The following BRINP3 variants were observed in gnomAD, a reference collection of about 807,000 sequenced individuals.
BRINP3 encodes BMP/retinoic acid-inducible neural-specific protein 3.
A neutral mutation model predicts 71.0 loss-of-function variants in BRINP3; 19 were observed. That is an observed-to-expected ratio of 0.27 (90% CI 0.19 to 0.39). BRINP3 has a LOEUF of 0.39. Among genes scored for constraint, BRINP3 ranks in the 10% least tolerant of loss-of-function variants. The probability of loss-of-function intolerance (pLI) is 1.00; values close to 1 mark genes in which losing one functional copy is unlikely to be tolerated. For synonymous variants in BRINP3, 380 were observed against 337.7 expected (o/e 1.13, Z -1.37); for missense variants, 959 against 940.8 (o/e 1.02, Z -0.25).
intron 3 of BRINP3, among the ~76,000 whole-genome samples, chr1:190,271,443 T>G (rs1475270513): frequency 3.3e-5 from 5 of 151,610 alleles, no homozygotes; most frequent in Non-Finnish European, 7.4e-5. Flanking sequence ...ATCACTGGAA[T>G]CTAGTAATAA....
intron 2 of BRINP3, among the ~76,000 whole-genome samples, chr1:190,400,737 T>A (rs1200976381): frequency 6.6e-6 from 1 of 152,140 alleles, no homozygotes; most frequent in Non-Finnish European, 1.5e-5. Flanking sequence ...CCCTAAAACA[T>A]TTAGAAAATG....
intron 7 of BRINP3, among the ~76,000 whole-genome samples, chr1:190,156,598 G>C (rs1408349407): frequency 6.6e-6 from 1 of 151,562 alleles, no homozygotes; most frequent in East Asian, 1.9e-4. Flanking sequence ...TGTTACATTG[G>C]CAGTAAAAGA....
chr1:190,265,009 T>G lies in BRINP3; in HGVS notation c.474A>C (p.Lys158Asn), dbSNP rs1352596036. ...TGGTGGAATCACTTCCTTCAGCTCG[T>G]TTGCTCAACTTCCGCTTGTCCACAA... ...TIFVDKRKLS[K>N]RAEGSDSTTN... Residue 158 changes from lysine (K) to asparagine (N), a missense_variant, in exon 4 of 8, where the codon AAA (lysine) becomes AAC (asparagine). Coordinates refer to ENST00000367462, the MANE Select transcript of BRINP3 (RefSeq NM_199051.3). 1 of 1,610,724 alleles carries G rather than the reference T, an allele frequency of 6.2e-7. No individual in the cohort carries two copies. Among genetic ancestry groups the G allele is most frequent in the Non-Finnish European group, 8.5e-7 (1 of 1,178,696 alleles).
intron 6 of BRINP3, among the ~76,000 whole-genome samples, chr1:190,165,431 G>C (rs1365385690): frequency 2.1e-5 from 2 of 96,368 alleles, no homozygotes; most frequent in Non-Finnish European, 4.0e-5. Context: ...AGTATGCTCT[G>C]TTTCATTGGC....
chr1:190,180,046 T>G (rs1652891287), intron 6 of BRINP3, among the ~76,000 whole-genome samples: 1 of 152,154 alleles, frequency 6.6e-6, no homozygotes, highest in South Asian at 2.1e-4. Flanking sequence ...ACTGCTGTGG[T>G]GTCATAAGAA....
At chr1:190,135,109 A>G (rs972838302) in intron 7 of BRINP3, among the ~76,000 whole-genome samples, 1 of 152,138 alleles carries the variant, frequency 6.6e-6, no homozygotes, top group Non-Finnish European at 1.5e-5. Flanking sequence ...CAAGAAACCT[A>G]GATGAATTCT....
At chr1:190,207,487 AT>A (rs1248193180) in intron 6 of BRINP3, among the ~76,000 whole-genome samples, 1 of 152,020 alleles carries the variant, frequency 6.6e-6, no homozygotes, top group Non-Finnish European at 1.5e-5. Context: ...CAGCAGGGTT[AT>A]TTTTTCTTTA....
intron 6 of BRINP3, among the ~76,000 whole-genome samples, chr1:190,208,955 A>G (rs1196505279): frequency 6.6e-6 from 1 of 152,152 alleles, no homozygotes; most frequent in Non-Finnish European, 1.5e-5. Context: ...TTAAAGTATA[A>G]ATGGGGTAAT....
chr1:190,461,877 TG>T (rs958808910), intron 1 of BRINP3, among the ~76,000 whole-genome samples: 3 of 152,114 alleles, frequency 2.0e-5, no homozygotes, highest in African/African-American at 7.2e-5. Context: ...AAACATATAT[TG>T]ACAAGCTCAA....
intron 3 of BRINP3, among the ~76,000 whole-genome samples, chr1:190,273,485 A>C (rs1338274891): frequency 6.6e-6 from 1 of 151,610 alleles, no homozygotes. Context: ...TGTCTTGTGC[A>C]ACTAAAATTT....
Position 190,264,911 on chromosome 1 carries a change from G to A in BRINP3, c.572C>T (p.Thr191Ile). Residue 191 changes from threonine to isoleucine, a missense_variant, in exon 4 of 8, where the codon ACC becomes ATC. Coordinates refer to ENST00000367462, the MANE Select transcript of BRINP3 (RefSeq NM_199051.3). ...TTGAATGTGGTGAAGTCTCCGAAGG[G>A]TGCTGTCCCTGTCAATGAAATAAGA... ...AASYFIDRDSTLRRLHHIQIA... is the reference protein window; with the variant it reads ...AASYFIDRDSILRRLHHIQIA... 1 of 1,613,866 alleles carries A rather than the reference G, an allele frequency of 6.2e-7. No individual in the cohort carries two copies. The highest frequency in any genetic ancestry group is 1.1e-5 in the South Asian group (1 of 91,078).
chr1:190,121,400 A>T (rs10920571), intron 7 of BRINP3, among the ~76,000 whole-genome samples: 8,019 of 152,276 alleles, frequency 0.053, 710 homozygotes, highest in African/African-American at 0.18. Flanking sequence ...ATTAAGAAAA[A>T]CAGCACACAT....
chr1:190,170,423 A>T (rs1191569863), intron 6 of BRINP3, among the ~76,000 whole-genome samples: 5 of 152,162 alleles, frequency 3.3e-5, no homozygotes, highest in Admixed American at 3.3e-4. Context: ...TGTCGTAACC[A>T]ATTAACAAGT....
At chr1:190,420,726 A>T (rs1673320756) in intron 2 of BRINP3, among the ~76,000 whole-genome samples, 1 of 151,974 alleles carries the variant, frequency 6.6e-6, no homozygotes, top group Non-Finnish European at 1.5e-5. Context: ...AAAATCTTAT[A>T]CTTGAAAATT....
chr1:190,193,785 A>C (rs1654248615), intron 6 of BRINP3, among the ~76,000 whole-genome samples: 1 of 152,202 alleles, frequency 6.6e-6, no homozygotes, highest in Non-Finnish European at 1.5e-5. Context: ...GGACAGTTTT[A>C]TAATCAGAAA....
At position 190,208,303 on chromosome 1, in the gene BRINP3, A is replaced by T. The variant is rs1171132286; in HGVS notation, c.961+17779T>A. ...TCATGTGTTTTTGTGCACTGCCTAC[A>T]TATATTTATTTTTATCATGAGGCAT... On this transcript the variant is annotated intron_variant, in intron 6 of 7. Coordinates refer to ENST00000367462, the MANE Select transcript of BRINP3 (RefSeq NM_199051.3). 3.3e-5 allele frequency among the ~76,000 whole-genome samples: 5 copies of T among 151,826 alleles called. No homozygotes were observed. The East Asian group carries it at 7.8e-4, about 24-fold the overall frequency.
chr1:190,239,231 C>G (rs924779142), intron 4 of BRINP3, among the ~76,000 whole-genome samples: 4 of 152,034 alleles, frequency 2.6e-5, no homozygotes, highest in African/African-American at 9.7e-5. Flanking sequence ...CAAACCATAT[C>G]AAGTGGCAAT....
chr1:190,292,942 A>G (rs1571653947), intron 2 of BRINP3, among the ~76,000 whole-genome samples: 1 of 151,248 alleles, frequency 6.6e-6, no homozygotes, highest in East Asian at 1.9e-4. Context: ...CTTCCTTCTT[A>G]TACTAGATAA....
intron 2 of BRINP3, among the ~76,000 whole-genome samples, chr1:190,412,383 GATATATATATATTATATAT>G (rs1672724710): frequency 2.1e-5 from 2 of 96,770 alleles, no homozygotes; most frequent in Non-Finnish European, 4.2e-5. Context: ...ACAAAGAAAA[GATATATATATATTATATAT>G]ATATATATAT....
Sources: gnomAD v4.1 joint callset for allele counts (sites outside exome capture counted in the v4.1 genomes callset) on GRCh38, gnomAD v4.1.1 for gene constraint, MANE v1.5 for transcripts, NCBI Gene and HGNC (gene_info 2026-07-23, HGNC 2026-07-21) for gene names.